The following FGFR2 variants were observed in gnomAD, a reference collection of about 807,000 sequenced individuals.
FGFR2 encodes the protein BEK fibroblast growth factor receptor.
Under a neutral mutation model 95.9 loss-of-function variants are expected in FGFR2, and 19 were observed. The observed-to-expected ratio is 0.20, with a 90% CI of 0.14 to 0.29. FGFR2 has a LOEUF of 0.29. Among genes scored for constraint, FGFR2 ranks in the 10% least tolerant of loss-of-function variants. The pLI is 1.00. For synonymous variants in FGFR2, 392 were observed against 393.3 expected, an observed-to-expected ratio of 1.00 and a Z score of 0.04; for missense variants, 707 against 1,056.9, an observed-to-expected ratio of 0.67 and a Z score of 4.59.
At chr10:121,548,643 G>A (rs545400515) in intron 5 of FGFR2, among the ~76,000 whole-genome samples, 6 of 152,196 alleles carry the variant, frequency 3.9e-5, no homozygotes, top group Middle Eastern at 6.8e-3. Context: ...AGGGGTCTCT[G>A]GAGCCTCATC....
chr10:121,565,260 T>C (rs896110038), intron 3 of FGFR2, among the ~76,000 whole-genome samples, 178 bp downstream of exon 3: 3 of 151,858 alleles, frequency 2.0e-5, no homozygotes, highest in African/African-American at 7.3e-5. Flanking sequence ...ACAAGAATTC[T>C]ATCATTCTTA....
In FGFR2 at chr10:121,518,688, G is replaced by C; in HGVS notation, c.940-1225C>G. 6.2e-7 allele frequency: 1 copy of C among 1,614,196 alleles called. No individual in the cohort carries two copies. Among genetic ancestry groups the C allele is most frequent in the Non-Finnish European group, 8.5e-7 (1 of 1,180,040 alleles). On this transcript the variant is annotated intron_variant, in intron 7 of 17. Transcript: ENST00000358487. The surrounding 1 kb of genome is among the most constrained non-coding windows in gnomAD (Gnocchi z 4.0). Reference sequence around the variant, plus strand: ...AAAATGAAAGCATTGTTACCTTGCTGTTTTGGCAGGACAGTGAGCCAGGCA... The same window carrying C: ...AAAATGAAAGCATTGTTACCTTGCTCTTTTGGCAGGACAGTGAGCCAGGCA...
intron 2 of FGFR2, among the ~76,000 whole-genome samples, chr10:121,571,953 A>T (rs4751842): frequency 0.29 from 39,854 of 136,888 alleles, 5,383 homozygotes; most frequent in Admixed American, 0.35. Flanking sequence ...CAAAAAAAAA[A>T]TAAAAAAAAA....
intron 10 of FGFR2, 41 bp downstream of exon 10, chr10:121,503,749 C>T (rs1449374674): frequency 6.2e-7 from 1 of 1,612,254 alleles, no homozygotes; most frequent in Non-Finnish European, 8.5e-7. Flanking sequence ...CCATTTATAG[C>T]TGAGTCTCCA....
At chr10:121,524,210 G>T (rs746103429) in intron 6 of FGFR2, among the ~76,000 whole-genome samples, 1 of 150,300 alleles carries the variant, frequency 6.7e-6, no homozygotes, top group East Asian at 2.0e-4. Flanking sequence ...AATGTTACAC[G>T]CTTGCAGTCT....
chr10:121,574,094 A>G (rs1859299778), intron 2 of FGFR2, among the ~76,000 whole-genome samples: 1 of 152,124 alleles, frequency 6.6e-6, no homozygotes, highest in Admixed American at 6.5e-5. Context: ...AGAAGTCCTC[A>G]CTGGTCAATA....
chr10:121,543,659 G>T (rs1028848319), intron 5 of FGFR2, among the ~76,000 whole-genome samples: 1 of 152,242 alleles, frequency 6.6e-6, no homozygotes, highest in African/African-American at 2.4e-5. Context: ...GGTACCTGCT[G>T]TTGCTCACCA....
intron 13 of FGFR2, among the ~76,000 whole-genome samples, chr10:121,489,338 T>C (rs919588033): frequency 1.3e-5 from 2 of 152,092 alleles, no homozygotes; most frequent in African/African-American, 4.8e-5. Context: ...CCTCCCAAAG[T>C]GCTAGGATTA....
intron 12 of FGFR2, among the ~76,000 whole-genome samples, chr10:121,497,816 C>T (rs1476216953): frequency 2.0e-5 from 3 of 152,150 alleles, no homozygotes; most frequent in Admixed American, 1.3e-4. Flanking sequence ...CGAGAAGTTG[C>T]GACAAAGACC....
Position 121,485,194 on chromosome 10 carries a change from T to C in FGFR2, c.2195+201A>G, listed in dbSNP as rs1845251286. Among the ~76,000 whole-genome samples, 1 of 152,048 alleles carries C rather than the reference T, an allele frequency of 6.6e-6. No individual in the cohort carries two copies. Among genetic ancestry groups the C allele is most frequent in the Non-Finnish European group, 1.5e-5 (1 of 68,000 alleles). On this transcript the variant is annotated intron_variant, in intron 16 of 17. Transcript: ENST00000358487. The surrounding 1 kb of genome is among the most constrained non-coding windows in gnomAD (Gnocchi z 4.2). ...TCCAAAGCCCTCTCCATACTCAGAA[T>C]AATGTTCTTTCTCTCAGACAAGTAA...
chr10:121,544,457 A>G (rs887257644), intron 5 of FGFR2, among the ~76,000 whole-genome samples: 3 of 151,970 alleles, frequency 2.0e-5, no homozygotes, highest in African/African-American at 7.3e-5. Context: ...AAAAAAAAAA[A>G]AAAAAAGTGG....
chr10:121,555,876 A>G (rs772651799), intron 4 of FGFR2, among the ~76,000 whole-genome samples: 1 of 152,214 alleles, frequency 6.6e-6, no homozygotes, highest in Non-Finnish European at 1.5e-5. Context: ...AGATTTATAA[A>G]CCCACAGAAA....
intron 10 of FGFR2, 58 bp from the exon 11 acceptor site, chr10:121,501,005 A>G (rs1847538085): frequency 6.2e-7 from 1 of 1,607,562 alleles, no homozygotes; most frequent in East Asian, 2.2e-5. Flanking sequence ...GTAGTGAGGG[A>G]AATTCCAGAA....
chr10:121,483,576 G>T, intron 17 of FGFR2, 122 bp downstream of exon 17: 1 of 740,374 alleles, frequency 1.4e-6, no homozygotes, highest in Non-Finnish European at 2.4e-6. Context: ...TGACCCTATG[G>T]AAAAAGAATA....
intron 5 of FGFR2, among the ~76,000 whole-genome samples, chr10:121,540,320 G>A (rs555433779): frequency 1.3e-5 from 2 of 152,302 alleles, no homozygotes; most frequent in African/African-American, 2.4e-5. Flanking sequence ...AGTCTTTACT[G>A]TATGACAAAG....
At chr10:121,481,916 A>C (rs1844776100) in intron 17 of FGFR2, 2 of 282,148 alleles carry the variant, frequency 7.1e-6, no homozygotes, top group South Asian at 2.0e-4. Context: ...GGCTCACTGC[A>C]ACCTCCGCCT....
chr10:121,481,086 T>C (rs1844610762), intron 17 of FGFR2, among the ~76,000 whole-genome samples: 1 of 152,158 alleles, frequency 6.6e-6, no homozygotes, highest in African/African-American at 2.4e-5. Context: ...AGTGGCGAAG[T>C]TGCAACAGAG....
chr10:121,586,379 T>A (rs1861837289), intron 2 of FGFR2, among the ~76,000 whole-genome samples: 1 of 152,240 alleles, frequency 6.6e-6, no homozygotes, highest in Non-Finnish European at 1.5e-5. Flanking sequence ...AACCTGAAAC[T>A]CTATATGTGT....
chr10:121,581,604 A>G, intron 2 of FGFR2, among the ~76,000 whole-genome samples: 1 of 151,606 alleles, frequency 6.6e-6, no homozygotes, highest in South Asian at 2.1e-4. Flanking sequence ...AAAAAGAAAG[A>G]AAAAAGAAAA....
Sources: allele counts gnomAD v4.1 joint callset (sites outside exome capture counted in the v4.1 genomes callset), GRCh38; gene constraint gnomAD v4.1.1; non-coding constraint Gnocchi (gnomAD v3.1); transcripts MANE v1.5; gene names NCBI Gene and HGNC (gene_info 2026-07-23, HGNC 2026-07-21).